LOXHD1: variants seen among roughly 807,000 people sequenced by gnomAD.
LOXHD1 encodes the protein lipoxygenase homology PLAT domains 1, also known as lipoxygenase homology domain-containing protein 1.
A neutral mutation model predicts 248.2 loss-of-function variants in LOXHD1; 205 were observed. The observed-to-expected ratio is 0.83, with a 90% CI of 0.74 to 0.93. The LOEUF (loss-of-function observed/expected upper bound fraction) is 0.93. Ranked by LOEUF, LOXHD1 falls within the 40% of genes least tolerant of loss-of-function variation. The pLI is 0.00. For missense variants in LOXHD1, 2,930 were observed against 2,971.6 expected, an observed-to-expected ratio of 0.99 and a Z score of 0.33; for synonymous variants, 1,113 against 1,162.8, an observed-to-expected ratio of 0.96 and a Z score of 0.87.
At chr18:46,508,894 G>T (rs544844295) in intron 35 of LOXHD1, among the ~76,000 whole-genome samples, 2 of 152,174 alleles carry the variant, frequency 1.3e-5, no homozygotes, top group African/African-American at 4.8e-5. Context: ...TGCCGTGGAC[G>T]CTCTTCTCTC....
At chr18:46,623,017 G>A (rs959106091) in intron 4 of LOXHD1, among the ~76,000 whole-genome samples, 3 of 152,236 alleles carry the variant, frequency 2.0e-5, no homozygotes, top group East Asian at 1.9e-4. Context: ...TGTGGAAATC[G>A]TCACCCAAGC....
intron 34 of LOXHD1, among the ~76,000 whole-genome samples, chr18:46,510,580 C>T (rs1251854208): frequency 1.3e-5 from 2 of 152,164 alleles, no homozygotes; most frequent in African/African-American, 2.4e-5. Context: ...GCTGATAAGG[C>T]CCTCGGGGTA....
intron 12 of LOXHD1, among the ~76,000 whole-genome samples, chr18:46,587,260 G>A (rs527879424): frequency 1.6e-3 from 243 of 152,238 alleles, no homozygotes; most frequent in African/African-American, 5.6e-3. Flanking sequence ...AACAGTGAGA[G>A]GAAAGAACAG....
Position 46,541,795 on chromosome 18 carries a change from C to A in LOXHD1, c.3894G>T (p.Gln1298His). The change falls in exon 25 of 41, where the codon CAG becomes CAT. Residue 1298 changes from glutamine (Q) to histidine (H), a missense_variant. By Grantham distance (24) the Gln-to-His change is conservative. Coordinates refer to ENST00000642948, the MANE Select transcript of LOXHD1 (RefSeq NM_001384474.1). ...IIRDLFHAEL[Q>H]TRLYTPFVPY... Reference sequence around the variant, plus strand: ...TCCTACATGGTGTGTACAGCCTCGTCTGAAGCTCTGCATGGAAGAGGTCTC... The same window carrying A: ...TCCTACATGGTGTGTACAGCCTCGTATGAAGCTCTGCATGGAAGAGGTCTC... The A allele has an allele frequency of 6.4e-7, 1 of 1,551,738 alleles. No homozygotes were observed. The highest frequency in any genetic ancestry group is 8.7e-7 in the Non-Finnish European group (1 of 1,147,006).
At chr18:46,530,439 C>A (rs2036013397) in intron 28 of LOXHD1, among the ~76,000 whole-genome samples, 1 of 152,072 alleles carries the variant, frequency 6.6e-6, no homozygotes, top group Non-Finnish European at 1.5e-5. Context: ...GTGTTTCTGG[C>A]CACCCAGAGA....
chr18:46,564,990 G>A lies in LOXHD1; in HGVS notation c.2437+1267C>T, dbSNP rs137929078. On this transcript the variant is annotated intron_variant, in intron 17 of 40. Transcript: ENST00000642948. ...TAGAAATGCAGAGGTGAGGCCAGTCGTAGTGGCTCACGTCTATAATGCTAG... is the reference window on the plus strand; with the variant it reads ...TAGAAATGCAGAGGTGAGGCCAGTCATAGTGGCTCACGTCTATAATGCTAG... Among the ~76,000 whole-genome samples, 1,331 of 152,182 alleles carry A rather than the reference G, an allele frequency of 8.7e-3. 24 individuals carry two copies. The highest frequency in any genetic ancestry group is 0.029 in the African/African-American group (1,223 of 41,500).
intron 17 of LOXHD1, among the ~76,000 whole-genome samples, chr18:46,564,636 TTG>T (rs2037601458): frequency 1.9e-5 from 2 of 106,058 alleles, no homozygotes; most frequent in African/African-American, 1.2e-4. Flanking sequence ...AGAAGGGGGG[TTG>T]GGGTAAGGGG....
chr18:46,499,484 A>C (rs1483427466), intron 37 of LOXHD1, among the ~76,000 whole-genome samples: 1 of 152,184 alleles, frequency 6.6e-6, no homozygotes, highest in Admixed American at 6.5e-5. Flanking sequence ...AACAAAGCAA[A>C]CCTTTTGAAT....
At chr18:46,622,849 C>G (rs1031166023) in intron 4 of LOXHD1, among the ~76,000 whole-genome samples, 2 of 152,172 alleles carry the variant, frequency 1.3e-5, no homozygotes, top group East Asian at 3.9e-4. Flanking sequence ...AGGGCAGCAC[C>G]GCTTCTGCAA....
intron 2 of LOXHD1, among the ~76,000 whole-genome samples, chr18:46,643,517 A>G (rs1249955183): frequency 2.0e-5 from 3 of 152,220 alleles, no homozygotes; most frequent in African/African-American, 7.2e-5. Context: ...AGGGAACTAA[A>G]TCAAACTAGC....
intron 4 of LOXHD1, among the ~76,000 whole-genome samples, chr18:46,627,182 T>C (rs1159129051): frequency 6.6e-6 from 1 of 152,200 alleles, no homozygotes; most frequent in Non-Finnish European, 1.5e-5. Context: ...TATTATAACC[T>C]CAAGCTGGCT....
Position 46,560,557 on chromosome 18 carries a change from G to A in LOXHD1, c.2599-12C>T, listed in dbSNP as rs892676326. The A allele has an allele frequency of 1.3e-5, 20 of 1,515,886 alleles. No individual in the cohort carries two copies. In the Admixed American group the frequency reaches 1.4e-4, roughly 11 times the overall value. The allele number at this position is 1,515,886 out of a possible 1,614,324, so 93.9% of individuals were successfully genotyped here. A position where few individuals can be genotyped will look rare whatever the true frequency, so the allele number is the denominator to read the frequency against. Reference sequence around the variant, plus strand: ...TCGGCCGCCTCAAGCTGTTCAAAGGGCAGGGCAGCGGCTGTCGTGGCCCCA... The same window carrying A: ...TCGGCCGCCTCAAGCTGTTCAAAGGACAGGGCAGCGGCTGTCGTGGCCCCA... On this transcript the variant is annotated splice_polypyrimidine_tract_variant and intron_variant, in intron 18 of 40. Coordinates refer to ENST00000642948, the MANE Select transcript of LOXHD1 (RefSeq NM_001384474.1).
chr18:46,530,838 C>T (rs370400652), intron 28 of LOXHD1, among the ~76,000 whole-genome samples: 5 of 152,058 alleles, frequency 3.3e-5, no homozygotes, highest in African/African-American at 1.2e-4. Flanking sequence ...TTATGGTTTC[C>T]TAATCTTCCA....
chr18:46,497,098 C>A (rs1396634929), intron 37 of LOXHD1, among the ~76,000 whole-genome samples: 1 of 152,164 alleles, frequency 6.6e-6, no homozygotes, highest in African/African-American at 2.4e-5. Context: ...GTTTCAGACC[C>A]AATGTCTGTT....
At chr18:46,603,929 A>G (rs572642538) in intron 7 of LOXHD1, among the ~76,000 whole-genome samples, 177 bp downstream of exon 7, 11 of 152,344 alleles carry the variant, frequency 7.2e-5, no homozygotes, top group Admixed American at 4.6e-4. Context: ...TCTGGCAACA[A>G]CAGAGCCCCA....
At chr18:46,595,214 T>C (rs1330273770) in intron 8 of LOXHD1, among the ~76,000 whole-genome samples, 4 of 152,228 alleles carry the variant, frequency 2.6e-5, no homozygotes, top group Non-Finnish European at 5.9e-5. Flanking sequence ...TTAACTTGAA[T>C]TCTTGCCCTT....
intron 27 of LOXHD1, chr18:46,533,783 G>C (rs117532368): frequency 3.6e-6 from 1 of 277,584 alleles, no homozygotes; most frequent in Admixed American, 4.5e-5. Context: ...AAAATTAGTC[G>C]GGCGTGGTGG....
intron 36 of LOXHD1, among the ~76,000 whole-genome samples, 163 bp downstream of exon 36, chr18:46,507,375 C>T (rs901955675): frequency 2.0e-5 from 3 of 152,334 alleles, no homozygotes; most frequent in African/African-American, 7.2e-5. Flanking sequence ...GGAGGAGATG[C>T]TTTGTCCAGA....
chr18:46,649,473 C>T (rs1418272868), intron 1 of LOXHD1, among the ~76,000 whole-genome samples: 1 of 152,220 alleles, frequency 6.6e-6, no homozygotes, highest in Admixed American at 6.5e-5. Context: ...AAACCATGCA[C>T]TCGTTTTGCA....
Sources: gnomAD v4.1 joint callset for allele counts (sites outside exome capture counted in the v4.1 genomes callset) on GRCh38, gnomAD v4.1.1 for gene constraint, MANE v1.5 for transcripts, NCBI Gene and HGNC (gene_info 2026-07-23, HGNC 2026-07-21) for gene names.